SHISAL1: variants seen among roughly 807,000 people sequenced by gnomAD.
SHISAL1 encodes protein shisa-like-1.
Under a neutral mutation model 22.6 loss-of-function variants are expected in SHISAL1, and 9 were observed. That is an observed-to-expected ratio of 0.40 (90% CI 0.24 to 0.70). The LOEUF is 0.70. Ranked by LOEUF, SHISAL1 falls within the 30% of genes least tolerant of loss-of-function variation. The pLI is 0.39. For synonymous variants in SHISAL1, 119 were observed against 115.4 expected (o/e 1.03, Z -0.20); for missense variants, 246 against 270.6 (o/e 0.91, Z 0.64).
chr22:44,269,310 T>C (rs1299885912), intron 4 of SHISAL1, among the ~76,000 whole-genome samples: 1 of 119,400 alleles, frequency 8.4e-6, no homozygotes, highest in African/African-American at 4.3e-5. Context: ...CACACCATAC[T>C]GCACAGACAC....
At chr22:44,329,467 G>T in the SHISAL1 span, among the ~76,000 whole-genome samples, 2 of 151,896 alleles carry the variant, frequency 1.3e-5, no homozygotes, top group East Asian at 3.9e-4. Context: ...ACACACACGC[G>T]CGGCTCTAAG....
intron 4 of SHISAL1, among the ~76,000 whole-genome samples, chr22:44,267,730 T>A (rs2055174177): frequency 1.3e-5 from 2 of 152,246 alleles, no homozygotes; most frequent in Non-Finnish European, 2.9e-5. Flanking sequence ...TTCTGATGGA[T>A]TGATGTGCAG....
At chr22:44,252,620 C>T (rs1378831117) in intron 4 of SHISAL1, among the ~76,000 whole-genome samples, 3 of 123,560 alleles carry the variant, frequency 2.4e-5, no homozygotes, top group South Asian at 6.0e-4. Context: ...GAGCCATACA[C>T]ACTTGCTTAA....
chr22:44,272,203 C>G (rs188810488), intron 4 of SHISAL1, among the ~76,000 whole-genome samples: 1 of 152,180 alleles, frequency 6.6e-6, no homozygotes, highest in Non-Finnish European at 1.5e-5. Flanking sequence ...GCACCCTGGG[C>G]CCAGAGACAC....
At chr22:44,275,031 T>G (rs1404372826) in intron 4 of SHISAL1, among the ~76,000 whole-genome samples, 3 of 152,224 alleles carry the variant, frequency 2.0e-5, no homozygotes, top group Admixed American at 1.3e-4. Context: ...TCAGCTCTGA[T>G]TCGAAGACTA....
Position 44,297,604 on chromosome 22 carries a change from C to A in SHISAL1, c.68-719G>T, listed in dbSNP as rs116574222. Among the ~76,000 whole-genome samples the A allele has an allele frequency of 7.9e-3, 1,211 of 152,388 alleles. 21 individuals are homozygous for A. Among genetic ancestry groups the A allele is most frequent in the African/African-American group, 0.028 (1,165 of 41,602 alleles). ...GTGGTAGCTCTGCCTTGGCCTGGAA[C>A]CCTCCCACCACTCTGCTCAGGGGCG... On this transcript the variant is annotated intron_variant, in intron 2 of 4. Coordinates refer to ENST00000381176, the MANE Select transcript of SHISAL1 (RefSeq NM_001099294.2).
chr22:44,267,835 T>A (rs940980930), intron 4 of SHISAL1, among the ~76,000 whole-genome samples: 5 of 152,218 alleles, frequency 3.3e-5, no homozygotes, highest in Admixed American at 2.6e-4. Flanking sequence ...GACAGACTCA[T>A]TCCTTTCCAT....
chr22:44,293,673 T>C (rs538170340), intron 3 of SHISAL1, among the ~76,000 whole-genome samples: 1 of 152,240 alleles, frequency 6.6e-6, no homozygotes, highest in South Asian at 2.1e-4. Context: ...CTCAGGCAAG[T>C]GACTCAACTG....
At chr22:44,287,860 GC>G (rs1241215629) in intron 3 of SHISAL1, among the ~76,000 whole-genome samples, 1 of 152,122 alleles carries the variant, frequency 6.6e-6, no homozygotes, top group Non-Finnish European at 1.5e-5. Flanking sequence ...CCCTGCTGCA[GC>G]CCCCACGGAA....
chr22:44,249,960 A>G (rs2055035602), intron 4 of SHISAL1, among the ~76,000 whole-genome samples: 1 of 152,250 alleles, frequency 6.6e-6, no homozygotes, highest in African/African-American at 2.4e-5. Context: ...AATTACAGTT[A>G]ATTGTGGATA....
chr22:44,288,614 C>T (rs1420722104), intron 3 of SHISAL1, among the ~76,000 whole-genome samples: 1 of 152,258 alleles, frequency 6.6e-6, no homozygotes, highest in Non-Finnish European at 1.5e-5. Flanking sequence ...GCACCCCAGC[C>T]TGGGTGACAG....
intron 4 of SHISAL1, among the ~76,000 whole-genome samples, chr22:44,259,854 T>A (rs1321088059): frequency 6.6e-6 from 1 of 152,218 alleles, no homozygotes; most frequent in South Asian, 2.1e-4. Flanking sequence ...GTTCACCTCT[T>A]AGCTCTTCAG....
intron 3 of SHISAL1, among the ~76,000 whole-genome samples, chr22:44,294,220 T>C (rs975112756): frequency 6.6e-6 from 1 of 152,178 alleles, no homozygotes. Context: ...CTGAGTGACT[T>C]CACACACAGA....
intron 3 of SHISAL1, among the ~76,000 whole-genome samples, chr22:44,294,454 G>A (rs780047166): frequency 5.9e-5 from 9 of 152,094 alleles, no homozygotes; most frequent in Non-Finnish European, 1.2e-4. Flanking sequence ...CAAACGCCCT[G>A]TTCAAAAAGA....
At chr22:44,270,130 G>C (rs569902557) in intron 4 of SHISAL1, among the ~76,000 whole-genome samples, 1 of 152,154 alleles carries the variant, frequency 6.6e-6, no homozygotes, top group African/African-American at 2.4e-5. Context: ...GTGGCCTCTC[G>C]CCAAAACCCC....
intron 4 of SHISAL1, among the ~76,000 whole-genome samples, chr22:44,265,480 C>T (rs754802942): frequency 6.6e-6 from 1 of 152,106 alleles, no homozygotes; most frequent in Admixed American, 6.5e-5. Context: ...TCCAGCACAG[C>T]CTTGAGATAA....
At chr22:44,271,459 G>T (rs2055205112) in intron 4 of SHISAL1, among the ~76,000 whole-genome samples, 1 of 152,196 alleles carries the variant, frequency 6.6e-6, no homozygotes, top group Non-Finnish European at 1.5e-5. Context: ...GGAGGAACAG[G>T]GAGTGAGCAC....
chr22:44,273,399 G>A (rs919217516), intron 4 of SHISAL1, among the ~76,000 whole-genome samples: 4 of 152,194 alleles, frequency 2.6e-5, no homozygotes, highest in Admixed American at 6.5e-5. Context: ...TACCGTCACC[G>A]GCACAGATGA....
intron 4 of SHISAL1, among the ~76,000 whole-genome samples, chr22:44,276,950 C>A (rs1371542606): frequency 5.3e-5 from 8 of 152,186 alleles, no homozygotes; most frequent in Admixed American, 3.9e-4. Flanking sequence ...GAGCCAGGAC[C>A]CTGCGGTGCA....
Sources: allele counts gnomAD v4.1 joint callset (sites outside exome capture counted in the v4.1 genomes callset), GRCh38; gene constraint gnomAD v4.1.1; transcripts MANE v1.5; gene names NCBI Gene and HGNC (gene_info 2026-07-23, HGNC 2026-07-21).